Variants in APOB observed in about 807,000 individuals in gnomAD.
The protein encoded by APOB is apolipoprotein B-100.
In APOB, 153 loss-of-function variants were observed where a neutral mutation model predicts 314.1. That is an observed-to-expected ratio of 0.49 (90% CI 0.43 to 0.56). The LOEUF (loss-of-function observed/expected upper bound fraction) is 0.56. APOB is among the 20% of genes least tolerant of loss of function. The pLI, the probability that APOB is intolerant of heterozygous loss-of-function variation, is 0.00. For synonymous variants in APOB, 2,087 were observed against 2,036.4 expected (o/e 1.02, Z -0.67); for missense variants, 5,430 against 5,350.7 (o/e 1.01, Z -0.46).
chr2:21,004,404 G>A lies in APOB; in HGVS notation c.11952C>T (p.Thr3984=), dbSNP rs1447813723. 7 of 1,613,880 alleles carry A rather than the reference G, an allele frequency of 4.3e-6. No individual in the cohort carries two copies. Among genetic ancestry groups the A allele is most frequent in the African/African-American group, 1.3e-5 (1 of 74,882 alleles). Residue 3984 remains threonine, a synonymous_variant, in exon 28 of 29, where the codon ACC becomes ACT. Transcript: ENST00000233242. ...AHLNIKSPAF[T]DLHLRYQKDK... ...CTTTCTGGTAGCGCAGATGGAGATCGGTGAACGCTGGGCTTTTGATATTGA... is the reference window on the plus strand; with the variant it reads ...CTTTCTGGTAGCGCAGATGGAGATCAGTGAACGCTGGGCTTTTGATATTGA...
chr2:21,015,598 T>C, intron 21 of APOB, 53 bp from the exon 22 acceptor site: 1 of 1,575,558 alleles, frequency 6.3e-7, no homozygotes, highest in African/African-American at 1.3e-5. Flanking sequence ...TCAATGGAGA[T>C]ATGCAGGATT....
At position 21,008,552 on chromosome 2, in the gene APOB, A is replaced by G; in HGVS notation, c.8316T>C (p.Asp2772=). ...LKIQSPLFTL[D]ANADIGNGTT... is the part of the protein sequence containing the mutation. ...TTCCATTCCCTATGTCAGCATTTGCATCTAATGTGAAAAGAGGAGATTGGA... is the reference window on the plus strand; with the variant it reads ...TTCCATTCCCTATGTCAGCATTTGCGTCTAATGTGAAAAGAGGAGATTGGA... Residue 2772 remains aspartate (D), a synonymous_variant, in exon 26 of 29, where the codon GAT becomes GAC. Coordinates refer to ENST00000233242, the MANE Select transcript of APOB (RefSeq NM_000384.3). 6.2e-7 allele frequency: 1 copy of G among 1,614,132 alleles called. No homozygotes were observed. Among genetic ancestry groups the G allele is most frequent in the Non-Finnish European group, 8.5e-7 (1 of 1,179,988 alleles).
rs1663042038 is a variant in APOB at position 21,003,261 on chromosome 2, A to G, written c.12161T>C (p.Ile4054Thr). ...RVRESDEETQ[I>T]KVNWEEEAAS... ...TGCCTCTTCTTCCCAATTAACTTTG[A>G]TCTGAGTTTCCTCATCAGATTCCCG... The change falls in exon 29 of 29, where the codon ATC becomes ACC. Residue 4054 changes from isoleucine (I) to threonine (T), a missense_variant. Physicochemically the swap from Ile to Thr is moderately conservative, Grantham distance 89. Coordinates refer to ENST00000233242, the MANE Select transcript of APOB (RefSeq NM_000384.3). 18 of 1,613,848 alleles carry G rather than the reference A, an allele frequency of 1.1e-5. No individual in the cohort carries two copies. The highest frequency in any genetic ancestry group is 1.5e-5 in the Non-Finnish European group (18 of 1,179,898).
Position 21,011,259 on chromosome 2 carries a change from G to A in APOB, c.5609C>T (p.Thr1870Ile). 6.2e-7 allele frequency: 1 copy of A among 1,614,222 alleles called. No homozygotes were observed. The highest frequency in any genetic ancestry group is 8.5e-7 in the Non-Finnish European group (1 of 1,180,026). The change falls in exon 26 of 29, where the codon ACA becomes ATA. Residue 1870 changes from threonine (T) to isoleucine (I), a missense_variant. Transcript: ENST00000233242. ...QGVEFSHRLNTDIAGLASAID... is the reference protein window; with the variant it reads ...QGVEFSHRLNIDIAGLASAID... Reference sequence around the variant, plus strand: ...GGCTGAAGCCAGCCCAGCGATGTCTGTGTTGAGCCGATGGCTAAACTCCAC... The same window carrying A: ...GGCTGAAGCCAGCCCAGCGATGTCTATGTTGAGCCGATGGCTAAACTCCAC...
At position 21,009,893 on chromosome 2, in the gene APOB, A is replaced by T. The variant is rs1312095351; in HGVS notation, c.6975T>A (p.Ile2325=). 5 of 1,613,882 alleles carry T rather than the reference A, an allele frequency of 3.1e-6. No homozygotes were observed. Among genetic ancestry groups the T allele is most frequent in the Non-Finnish European group, 4.2e-6 (5 of 1,179,920 alleles). ...TTTTCTCAGCTACTTCAAAATCCCC[A>T]ATAAGATTTATAACAAAGTGTTTGA... ...EHVKHFVINL[I]GDFEVAEKIN... is the part of the protein sequence containing the mutation. Residue 2325 remains isoleucine, a synonymous_variant, in exon 26 of 29, where the codon ATT becomes ATA. Coordinates refer to ENST00000233242, the MANE Select transcript of APOB (RefSeq NM_000384.3).
Position 21,006,809 on chromosome 2 carries a change from A to T in APOB, c.10059T>A (p.Asn3353Lys). The change falls in exon 26 of 29, where the codon AAT (asparagine) becomes AAA (lysine). Residue 3353 changes from asparagine (N) to lysine (K), a missense_variant. By Grantham distance (94) the Asn-to-Lys change is moderately conservative. Coordinates refer to ENST00000233242, the MANE Select transcript of APOB (RefSeq NM_000384.3). ...TATCTGACTGGTTAAAAAGTTCAGC[A>T]TTGGTATTCAGTGTGATGACACTTG... ...FKSSVITLNTNAELFNQSDIV... is the reference protein window; with the variant it reads ...FKSSVITLNTKAELFNQSDIV... The T allele has an allele frequency of 1.2e-6, 2 of 1,614,136 alleles. No individual in the cohort carries two copies. The highest frequency in any genetic ancestry group is 1.7e-6 in the Non-Finnish European group (2 of 1,179,972).
chr2:21,004,203 T>G, intron 28 of APOB, 66 bp downstream of exon 28: 2 of 1,561,598 alleles, frequency 1.3e-6, no homozygotes, highest in Non-Finnish European at 1.8e-6. Context: ...TGGTCCTGAA[T>G]TAAATGTATC....
rs530447727 is a variant in APOB at position 21,023,407 on chromosome 2, T to C, written c.2604+118A>G. ...TTTCATAAAAAAATAATGAGGTGAT[T>C]ACAATGATGAAGCATTTTGTCTTGA... On this transcript the variant is annotated intron_variant, in intron 17 of 28. Coordinates refer to ENST00000233242, the MANE Select transcript of APOB (RefSeq NM_000384.3). 71 of 1,222,110 alleles carry C rather than the reference T, an allele frequency of 5.8e-5. No individual in the cohort carries two copies. The African/African-American group carries it at 9.9e-4, about 17-fold the overall frequency. The allele number at this position is 1,222,110 out of a possible 1,614,324, so 75.7% of individuals were successfully genotyped here. A position where few individuals can be genotyped will look rare whatever the true frequency, so the allele number is the denominator to read the frequency against.
In APOB at chr2:21,015,530, T is replaced by C; in HGVS notation, c.3348A>G (p.Glu1116=). Residue 1116 remains glutamate, a synonymous_variant, in exon 22 of 29, where the codon GAA becomes GAG. Transcript: ENST00000233242. ...LMGHLSCDTK[E]ERKIKGVISI... ...AAATAACACCCTTGATTTTTCTTTCTTCCTTTGTGTCACAACTATGGTAAA... is the reference window on the plus strand; with the variant it reads ...AAATAACACCCTTGATTTTTCTTTCCTCCTTTGTGTCACAACTATGGTAAA... 2 of 1,613,282 alleles carry C rather than the reference T, an allele frequency of 1.2e-6. No individual in the cohort carries two copies. Among genetic ancestry groups the C allele is most frequent in the Non-Finnish European group, 1.7e-6 (2 of 1,180,018 alleles).
In APOB at chr2:21,007,148, G is replaced by A. The variant is rs111899014; in HGVS notation, c.9720C>T (p.Asp3240=). The change falls in exon 26 of 29, where the codon GAC becomes GAT. Residue 3240 remains aspartate, a synonymous_variant. Transcript: ENST00000233242. ...GAATTTGAAAGGTCCTGGGGAGCTCGTCGTGAGATTTTTCAGCTTTGTACT... is the reference window on the plus strand; with the variant it reads ...GAATTTGAAAGGTCCTGGGGAGCTCATCGTGAGATTTTTCAGCTTTGTACT... ...FDKYKAEKSH[D]ELPRTFQIPG... 103 of 1,613,932 alleles carry A rather than the reference G, an allele frequency of 6.4e-5. 1 individual carries two copies. The highest frequency in any genetic ancestry group is 2.4e-4 in the African/African-American group (18 of 75,016).
chr2:21,034,096 T>A (rs1488242350), intron 8 of APOB, among the ~76,000 whole-genome samples: 2 of 152,216 alleles, frequency 1.3e-5, no homozygotes, highest in Non-Finnish European at 2.9e-5. Flanking sequence ...GAGACACTTT[T>A]GTATCCTCTC....
Position 21,007,401 on chromosome 2 carries a change from G to A in APOB, c.9467C>T (p.Thr3156Ile), listed in dbSNP as rs747569141. The change falls in exon 26 of 29, where the codon ACA becomes ATA. Residue 3156 changes from threonine (T) to isoleucine (I), a missense_variant. Transcript: ENST00000233242. ...PLKDFSLWEK[T>I]GLKEFLKTTK... The stretch of plus-strand genomic sequence containing the variant: ...CGTTTTCAAGAATTCCTTCAAGCCT[G>A]TTTTTTCCCATAGAGAGAAATCTTT... The A allele has an allele frequency of 6.2e-7, 1 of 1,613,928 alleles. No homozygotes were observed. The highest frequency in any genetic ancestry group is 8.5e-7 in the Non-Finnish European group (1 of 1,179,920).
At chr2:21,033,570 A>G (rs758458384) in intron 8 of APOB, 52 bp from the exon 9 acceptor site, 2 of 1,468,140 alleles carry the variant, frequency 1.4e-6, no homozygotes, top group Non-Finnish European at 1.9e-6. Context: ...TCTCAACCAT[A>G]TCTTTGTCTA....
At chr2:21,020,502 G>C (rs562523354) in intron 18 of APOB, among the ~76,000 whole-genome samples, 1 of 152,186 alleles carries the variant, frequency 6.6e-6, no homozygotes, top group South Asian at 2.1e-4. Flanking sequence ...TGCCCTCCTT[G>C]CTCCTACATC....
Position 21,005,266 on chromosome 2 carries a change from T to G in APOB, c.11602A>C (p.Lys3868Gln), listed in dbSNP as rs931189342. ...PEQTIEIPSI[K>Q]FSVPAGIVIP... ...ACAATTCCAGCAGGTACAGAGAACT[T>G]AATGGAGGGAATCTCAATGGTCTGC... The change falls in exon 26 of 29, where the codon AAG becomes CAG. Residue 3868 changes from lysine (K) to glutamine (Q), a missense_variant. Lys to Gln is a moderately conservative substitution (Grantham distance 53). Around this residue, in one of 3 missense-constraint regions of APOB, gnomAD observed 3,281 missense variants for 3,171.0 expected, o/e 1.03. Transcript: ENST00000233242. 2 of 1,613,920 alleles carry G rather than the reference T, an allele frequency of 1.2e-6. No homozygotes were observed. Among genetic ancestry groups the G allele is most frequent in the Admixed American group, 3.3e-5 (2 of 59,986 alleles).
chr2:21,039,249 C>T (rs1445013887), intron 4 of APOB, among the ~76,000 whole-genome samples: 1 of 152,250 alleles, frequency 6.6e-6, no homozygotes, highest in Non-Finnish European at 1.5e-5. Flanking sequence ...GCAACAGGTG[C>T]TATCACTGTT....
rs72653064 is a variant in APOB, at chr2:21,025,059, G to A, written c.2310C>T (p.Val770=). ...KLIKDLKSKE[V]PEARAYLRIL... is the part of the protein sequence containing the mutation. Reference sequence around the variant, plus strand: ...TGCGGAGGTAGGCTCTGGCTTCCGGGACTTCTTTGGATTTCAAATCTTTAA... The same window carrying A: ...TGCGGAGGTAGGCTCTGGCTTCCGGAACTTCTTTGGATTTCAAATCTTTAA... Residue 770 remains valine (V), a synonymous_variant, in exon 16 of 29, where the codon GTC becomes GTT. Transcript: ENST00000233242. The A allele has an allele frequency of 5.9e-5, 95 of 1,614,218 alleles. No individual in the cohort carries two copies. In the African/African-American group the frequency reaches 1.1e-3, roughly 18 times the overall value.
In APOB at chr2:21,028,510, A is replaced by C. The variant is rs745897939; in HGVS notation, c.1646T>G (p.Leu549Arg). ...KDQEVLLQTF[L>R]DDASPGDKRL... is the part of the protein sequence containing the mutation. The stretch of plus-strand genomic sequence containing the variant: ...CTTATCTCCCGGAGAAGCATCATCA[A>C]GGAAAGTCTGAAGAAGAACCTCCTG... The change falls in exon 13 of 29, where the codon CTT becomes CGT. Residue 549 changes from leucine to arginine, a missense_variant. Leu to Arg is a moderately radical substitution (Grantham distance 102). Transcript: ENST00000233242. 8 of 1,613,388 alleles carry C rather than the reference A, an allele frequency of 5.0e-6. No homozygotes were observed. Among genetic ancestry groups the C allele is most frequent in the Non-Finnish European group, 6.8e-6 (8 of 1,179,976 alleles).
rs1558563854 is a variant in APOB, at chr2:21,009,903, A to G, written c.6965T>C (p.Ile2322Thr). 2.5e-6 allele frequency: 4 copies of G among 1,614,032 alleles called. No homozygotes were observed. The highest frequency in any genetic ancestry group is 1.1e-5 in the South Asian group (1 of 91,084). The change falls in exon 26 of 29, where the codon ATA (isoleucine) becomes ACA (threonine). Residue 2322 changes from isoleucine (I) to threonine (T), a missense_variant. Ile to Thr is a moderately conservative substitution (Grantham distance 89, BLOSUM62 -1). This residue lies in a region of APOB where 3,281 missense variants were observed against 3,171.0 expected (regional missense o/e 1.03). Coordinates refer to ENST00000233242, the MANE Select transcript of APOB (RefSeq NM_000384.3). ...TACTTCAAAATCCCCAATAAGATTT[A>G]TAACAAAGTGTTTGACATGCTCAAG... ...DILEHVKHFV[I>T]NLIGDFEVAE...
Sources: allele counts gnomAD v4.1 joint callset (sites outside exome capture counted in the v4.1 genomes callset), GRCh38; gene constraint gnomAD v4.1.1; regional missense constraint gnomAD v4.1.1; transcripts MANE v1.5; gene names NCBI Gene and HGNC (gene_info 2026-07-23, HGNC 2026-07-21).